Variants in LMLN observed in about 807,000 individuals in gnomAD.
LMLN encodes the protein leishmanolysin like peptidase, also known as leishmanolysin-like peptidase.
In LMLN, 70 loss-of-function variants were observed where a neutral mutation model predicts 92.3. The observed-to-expected ratio is 0.76, with a 90% CI of 0.63 to 0.92. The LOEUF is 0.92. Ranked by LOEUF, LMLN falls within the 40% of genes least tolerant of loss-of-function variation. The pLI is 0.00. For missense variants in LMLN, 691 were observed against 814.6 expected, an observed-to-expected ratio of 0.85 and a Z score of 1.85; for synonymous variants, 308 against 296.2, an observed-to-expected ratio of 1.04 and a Z score of -0.41.
chr3:197,971,637 T>C (rs1292838524), intron 1 of LMLN, among the ~76,000 whole-genome samples: 1 of 152,162 alleles, frequency 6.6e-6, no homozygotes, highest in East Asian at 1.9e-4. Flanking sequence ...CAGGCTGGAG[T>C]GCAGTGGCAC....
chr3:198,006,212 T>A (rs569558385), intron 11 of LMLN, among the ~76,000 whole-genome samples: 1 of 152,352 alleles, frequency 6.6e-6, no homozygotes, highest in Non-Finnish European at 1.5e-5. Context: ...CTCAGCATAA[T>A]TCTCTGGAAA....
At chr3:197,975,184 G>A (rs1721335519) in intron 3 of LMLN, 112 bp downstream of exon 3, 2 of 614,976 alleles carry the variant, frequency 3.3e-6, no homozygotes, top group Admixed American at 5.7e-5. Context: ...AATGAAAGGT[G>A]TTGGTAGTGA....
At chr3:197,999,748 T>C (rs1374924553) in intron 11 of LMLN, 2 of 163,806 alleles carry the variant, frequency 1.2e-5, no homozygotes, top group African/African-American at 4.8e-5. Flanking sequence ...GTTCACAAAC[T>C]TCTGGGCTCA....
At chr3:197,976,554 T>C (rs757802997) in intron 4 of LMLN, 44 bp from the exon 5 acceptor site, 39 of 1,112,342 alleles carry the variant, frequency 3.5e-5, no homozygotes, top group Non-Finnish European at 5.1e-5. Context: ...CTATAAAATA[T>C]TCTCTTTTTT....
intron 1 of LMLN, among the ~76,000 whole-genome samples, chr3:197,968,530 T>A (rs946302031): frequency 7.2e-5 from 11 of 152,146 alleles, no homozygotes; most frequent in Admixed American, 1.3e-4. Context: ...TCACAATTTA[T>A]GTTCAGAGAT....
At chr3:198,039,823 C>T (rs1040735216) in exon 16 of LMLN, 1 of 152,176 alleles carries the variant, frequency 6.6e-6, no homozygotes, top group African/African-American at 2.4e-5. Flanking sequence ...TATCACTGTG[C>T]TGGTAGCCCT....
At position 197,983,600 on chromosome 3, in the gene LMLN, G is replaced by A. The variant is rs577893054; in HGVS notation, c.729-343G>A. ...TCTCTACCTGCTTGTCTCTGTGCCC[G>A]TAGATATACTGAAATGCTGAAGTTA... On this transcript the variant is annotated intron_variant, in intron 6 of 15. Coordinates refer to ENST00000330198, the Ensembl canonical transcript of LMLN. Among the ~76,000 whole-genome samples, 8 of 152,222 alleles carry A rather than the reference G, an allele frequency of 5.3e-5. No individual in the cohort carries two copies. In the South Asian group the frequency reaches 1.0e-3, roughly 20 times the overall value.
At chr3:198,032,638 G>C (rs1239117820) in intron 14 of LMLN, among the ~76,000 whole-genome samples, 1 of 152,112 alleles carries the variant, frequency 6.6e-6, no homozygotes, top group Non-Finnish European at 1.5e-5. Flanking sequence ...TTATCACATA[G>C]AGCGGGAACG....
intron 15 of LMLN, among the ~76,000 whole-genome samples, chr3:198,036,511 T>A (rs1723238690): frequency 6.6e-6 from 1 of 151,942 alleles, no homozygotes; most frequent in Non-Finnish European, 1.5e-5. Flanking sequence ...ACATGCGAAA[T>A]GAGACAGAGA....
intron 15 of LMLN, among the ~76,000 whole-genome samples, chr3:198,037,084 G>A (rs1192107114): frequency 6.6e-6 from 1 of 152,128 alleles, no homozygotes; most frequent in Non-Finnish European, 1.5e-5. Context: ...TTGTGTTGGG[G>A]GTCCCCAGGA....
chr3:198,040,382 T>G (rs1044406092), exon 16 of LMLN: 1 of 152,200 alleles, frequency 6.6e-6, no homozygotes, highest in Non-Finnish European at 1.5e-5. Context: ...CAGCCCCATT[T>G]AGTAATTTTT....
intron 11 of LMLN, among the ~76,000 whole-genome samples, chr3:198,003,575 T>C (rs904106706): frequency 6.6e-6 from 1 of 151,934 alleles, no homozygotes; most frequent in Non-Finnish European, 1.5e-5. Context: ...GTAAGTTTGA[T>C]ATCTATCTAT....
At chr3:197,995,777 C>T (rs1021568335) in intron 9 of LMLN, among the ~76,000 whole-genome samples, 3 of 151,798 alleles carry the variant, frequency 2.0e-5, no homozygotes, top group African/African-American at 4.8e-5. Context: ...TATATTAGCT[C>T]GATATAATTA....
chr3:197,979,517 T>C (rs895830986), intron 5 of LMLN, among the ~76,000 whole-genome samples: 2 of 152,088 alleles, frequency 1.3e-5, no homozygotes, highest in African/African-American at 4.8e-5. Context: ...CCCGTCTATA[T>C]ATATTTAAAA....
At chr3:198,012,600 T>C (rs1482292584) in intron 11 of LMLN, among the ~76,000 whole-genome samples, 4 of 151,726 alleles carry the variant, frequency 2.6e-5, no homozygotes, top group Non-Finnish European at 5.9e-5. Flanking sequence ...CTAACGAGTC[T>C]GACTTCTCTC....
chr3:198,012,354 C>T lies in LMLN; in HGVS notation c.1233-6899C>T, dbSNP rs192512250. Among the ~76,000 whole-genome samples, 696 of 152,314 alleles carry T rather than the reference C, an allele frequency of 4.6e-3. 4 individuals carry two copies. The highest frequency in any genetic ancestry group is 0.015 in the African/African-American group (637 of 41,560). On this transcript the variant is annotated intron_variant, in intron 11 of 15. Transcript: ENST00000330198. ...TGTTGGGATTACAGGCGGGAGCCAC[C>T]GTGTACATTCGGACGCTGGGTGAAG...
At chr3:198,014,320 C>T (rs1305022741) in intron 11 of LMLN, among the ~76,000 whole-genome samples, 3 of 120,696 alleles carry the variant, frequency 2.5e-5, no homozygotes, top group East Asian at 2.7e-4. Context: ...CTCCACCCTT[C>T]AGAGCCCCCT....
At chr3:197,979,593 C>T (rs1460808680) in intron 5 of LMLN, among the ~76,000 whole-genome samples, 4 of 151,950 alleles carry the variant, frequency 2.6e-5, no homozygotes, top group Non-Finnish European at 5.9e-5. Flanking sequence ...CGAGACAGGC[C>T]GATCACAAGT....
intron 1 of LMLN, among the ~76,000 whole-genome samples, chr3:197,972,518 C>T (rs905585142): frequency 3.3e-5 from 5 of 152,180 alleles, no homozygotes; most frequent in Non-Finnish European, 1.5e-5. Context: ...GAACACATTT[C>T]AGCTGCATTA....
Sources: gnomAD v4.1 joint callset for allele counts (sites outside exome capture counted in the v4.1 genomes callset) on GRCh38, gnomAD v4.1.1 for gene constraint, MANE v1.5 for transcripts, NCBI Gene and HGNC (gene_info 2026-07-23, HGNC 2026-07-21) for gene names.